Variants in PAX4 observed in about 807,000 individuals in gnomAD.
The protein encoded by PAX4 is paired box 4.
In PAX4, 33 loss-of-function variants were observed where a neutral mutation model predicts 40.6. The observed-to-expected ratio is 0.81, with a 90% CI of 0.62 to 1.09. PAX4 has a LOEUF of 1.09. PAX4 is among the 50% of genes least tolerant of loss of function. The pLI is 0.00. For synonymous variants in PAX4, 174 were observed against 170.6 expected, an observed-to-expected ratio of 1.02 and a Z score of -0.16; for missense variants, 459 against 442.5, an observed-to-expected ratio of 1.04 and a Z score of -0.33.
chr7:127,613,162 G>T, intron 8 of PAX4, 71 bp from the exon 9 acceptor site: 1 of 1,253,340 alleles, frequency 8.0e-7, no homozygotes, highest in Non-Finnish European at 1.2e-6. Context: ...CTCACCACAT[G>T]TTCCTAGCCT....
chr7:127,611,391 A>T, intron 11 of PAX4, 144 bp downstream of exon 11: 1 of 1,534,762 alleles, frequency 6.5e-7, no homozygotes, highest in Non-Finnish European at 8.9e-7. Flanking sequence ...TAGTCTCCGT[A>T]ATTTTGTGGA....
In PAX4 at chr7:127,611,875, GC is replaced by G. The variant is rs778236731; in HGVS notation, c.771+69del. 1.7e-4 allele frequency: 278 copies of G among 1,607,872 alleles called. 4 individuals are homozygous for G. The South Asian group carries it at 1.8e-3, about 11-fold the overall frequency. On this transcript the variant is annotated intron_variant, in intron 10 of 11. Transcript: ENST00000639438. ...TGGAGAGCCGGAGATCCTGGCTCAG[GC>G]CAGAAATGGAAGAGCCCATGAGCCC...
intron 10 of PAX4, 95 bp downstream of exon 10, chr7:127,611,850 T>G (rs1794630980): frequency 1.9e-6 from 3 of 1,599,176 alleles, no homozygotes; most frequent in Non-Finnish European, 2.6e-6. Flanking sequence ...TGTGGGGCCC[T>G]GGAGAGCCGG....
intron 2 of PAX4, among the ~76,000 whole-genome samples, chr7:127,616,350 G>T (rs1209835067): frequency 6.6e-6 from 1 of 152,068 alleles, no homozygotes; most frequent in African/African-American, 2.4e-5. Context: ...TTTCCAAATG[G>T]ACAGCTGTTG....
chr7:127,617,669 G>C (rs1218277628), intron 1 of PAX4, among the ~76,000 whole-genome samples: 1 of 152,190 alleles, frequency 6.6e-6, no homozygotes, highest in African/African-American at 2.4e-5. Flanking sequence ...AAGAGCAGTA[G>C]GGATGCAGGT....
rs1256232498 is a variant in PAX4 at position 127,617,938 on chromosome 7, A to T, written c.-226+24T>A. On this transcript the variant is annotated intron_variant, in intron 1 of 11. Coordinates refer to ENST00000639438, the MANE Select transcript of PAX4 (RefSeq NM_001366110.1). ...GGAGACAGCATGAGAGGCAGGGCAGACAATGAGCCTGCAGGTGAGCTACCT... is the reference window on the plus strand; with the variant it reads ...GGAGACAGCATGAGAGGCAGGGCAGTCAATGAGCCTGCAGGTGAGCTACCT... The T allele has an allele frequency of 2.0e-5, 3 of 152,362 alleles. No individual in the cohort carries two copies. The South Asian group carries it at 6.2e-4, about 32-fold the overall frequency. 9.4% of individuals were successfully genotyped at this position (152,362 alleles called of 1,614,324 possible). A position where few individuals can be genotyped will look rare whatever the true frequency, so the allele number is the denominator to read the frequency against.
Position 127,615,551 on chromosome 7 carries a change from A to G in PAX4, c.14-20T>C. On this transcript the variant is annotated intron_variant, in intron 3 of 11. Transcript: ENST00000639438. Reference sequence around the variant, plus strand: ...TGATCCCTGGGCGTGAGACAGAGGTATCCACACACCACCTCTCCCACTGCC... The same window carrying G: ...TGATCCCTGGGCGTGAGACAGAGGTGTCCACACACCACCTCTCCCACTGCC... 6.2e-7 allele frequency: 1 copy of G among 1,613,338 alleles called. No homozygotes were observed. Among genetic ancestry groups the G allele is most frequent in the South Asian group, 1.1e-5 (1 of 91,062 alleles).
At chr7:127,616,279 T>G (rs1562961291) in intron 2 of PAX4, among the ~76,000 whole-genome samples, 1 of 152,196 alleles carries the variant, frequency 6.6e-6, no homozygotes, top group East Asian at 1.9e-4. Flanking sequence ...TCCTACACAT[T>G]CATTAGAAAA....
Position 127,614,897 on chromosome 7 carries a change from G to A in PAX4, c.343C>T (p.Gln115Ter), listed in dbSNP as rs1435125694. 8.1e-6 allele frequency: 13 copies of A among 1,613,960 alleles called. No homozygotes were observed. The highest frequency in any genetic ancestry group is 2.7e-5 in the African/African-American group (2 of 74,896). The change falls in exon 5 of 12, where the codon CAG (glutamine) becomes TAG (stop). Residue 115 changes from glutamine (Q) to a stop codon, truncating the protein, a stop_gained. Transcript: ENST00000639438. LOFTEE classifies it high-confidence loss of function. ...GTACTTACACTGGGAGTCTTGTCCT[G>A]GGTGCAAAGCCCTTCAGCACAAAGC... ...RQLCAEGLCT[Q>*]DKTPSVSSIN...
intron 7 of PAX4, 79 bp from the exon 8 acceptor site, chr7:127,613,611 A>G: frequency 6.3e-7 from 1 of 1,578,764 alleles, no homozygotes; most frequent in South Asian, 1.1e-5. Flanking sequence ...AACACTCCCC[A>G]CCTGCTACAA....
chr7:127,611,402 C>G, intron 11 of PAX4, 133 bp downstream of exon 11: 1 of 1,556,276 alleles, frequency 6.4e-7, no homozygotes, highest in South Asian at 1.2e-5. Flanking sequence ...ATTTTGTGGA[C>G]CATGCAAAGA....
intron 8 of PAX4, 106 bp from the exon 9 acceptor site, chr7:127,613,197 T>G (rs71546768): frequency 2.0e-6 from 2 of 993,886 alleles, no homozygotes; most frequent in South Asian, 1.3e-5. Context: ...GACCCTTCCT[T>G]GGGCCTGACA....
Position 127,613,004 on chromosome 7 carries a change from A to T in PAX4, c.715+18T>A, listed in dbSNP as rs1177502429. ...AGATGACTGAGCGGGCAGATGGATG[A>T]TGGTGCAGAGAAATCACCTGGCAGC... On this transcript the variant is annotated intron_variant, in intron 9 of 11. Coordinates refer to ENST00000639438, the MANE Select transcript of PAX4 (RefSeq NM_001366110.1). 1.3e-6 allele frequency: 2 copies of T among 1,599,158 alleles called. No homozygotes were observed. The highest frequency in any genetic ancestry group is 1.7e-6 in the Non-Finnish European group (2 of 1,167,978).
intron 4 of PAX4, 136 bp downstream of exon 4, chr7:127,615,265 C>T (rs1010442377): frequency 3.3e-5 from 53 of 1,598,562 alleles, no homozygotes; most frequent in African/African-American, 2.8e-4. Flanking sequence ...TTTCAACCTC[C>T]GAGAGGATCT....
At chr7:127,614,831 C>A (rs761631577) in intron 5 of PAX4, 49 bp downstream of exon 5, 1 of 1,590,442 alleles carries the variant, frequency 6.3e-7, no homozygotes, top group South Asian at 1.1e-5. Context: ...TTTGTCTCCC[C>A]CAGAAAGCCT....
chr7:127,617,499 C>T (rs1794738894), intron 1 of PAX4, 99 bp from the exon 2 acceptor site: 1 of 152,156 alleles, frequency 6.6e-6, no homozygotes, highest in Non-Finnish European at 1.5e-5. Context: ...TGCTCCCACC[C>T]CTGTTTCATG....
chr7:127,617,124 A>G (rs558975913), intron 2 of PAX4, among the ~76,000 whole-genome samples, 151 bp downstream of exon 2: 177 of 152,374 alleles, frequency 1.2e-3, no homozygotes, highest in African/African-American at 3.9e-3. Flanking sequence ...GGATGAAGGC[A>G]GTAAACAGAA....
At chr7:127,616,824 A>G (rs1794730300) in intron 2 of PAX4, among the ~76,000 whole-genome samples, 1 of 152,228 alleles carries the variant, frequency 6.6e-6, no homozygotes, top group Non-Finnish European at 1.5e-5. Flanking sequence ...AAGCAGGAGA[A>G]GACTGTCCGC....
At chr7:127,612,957 A>G in intron 9 of PAX4, 65 bp downstream of exon 9, 1 of 1,188,640 alleles carries the variant, frequency 8.4e-7, no homozygotes, top group South Asian at 1.2e-5. Context: ...GGATGGATGG[A>G]TGGATGGATG....
Sources: gnomAD v4.1 joint callset for allele counts (sites outside exome capture counted in the v4.1 genomes callset) on GRCh38, gnomAD v4.1.1 for gene constraint, MANE v1.5 for transcripts, NCBI Gene and HGNC (gene_info 2026-07-23, HGNC 2026-07-21) for gene names.